The following NEDD4L variants were observed in gnomAD, a reference collection of about 807,000 sequenced individuals.
The protein encoded by NEDD4L is E3 ubiquitin-protein ligase NEDD4-like.
In NEDD4L, 54 loss-of-function variants were observed where a neutral mutation model predicts 148.9. That is an observed-to-expected ratio of 0.36 (90% CI 0.29 to 0.45). NEDD4L has a LOEUF of 0.45. Ranked by LOEUF, NEDD4L falls within the 20% of genes least tolerant of loss-of-function variation. The pLI is 1.00. For missense variants in NEDD4L, 856 were observed against 1,233.8 expected (o/e 0.69, Z 4.59); for synonymous variants, 433 against 440.7 (o/e 0.98, Z 0.22).
At position 58,059,112 on chromosome 18, in the gene NEDD4L, A is replaced by G. The variant is rs546963280; in HGVS notation, c.48+14404A>G. ...TCTTCTTCTTTCTTTTTTTTCCTTA[A>G]GAGATGGGATCTCAGTATGTTGGCC... On this transcript the variant is annotated intron_variant, in intron 1 of 30. Transcript: ENST00000400345. Among the ~76,000 whole-genome samples, 569 of 152,162 alleles carry G rather than the reference A, an allele frequency of 3.7e-3. 8 individuals are homozygous for G. Among genetic ancestry groups the G allele is most frequent in the African/African-American group, 0.013 (549 of 41,510 alleles).
At chr18:58,136,121 C>T (rs1482643156) in intron 1 of NEDD4L, among the ~76,000 whole-genome samples, 1 of 151,912 alleles carries the variant, frequency 6.6e-6, no homozygotes, top group Non-Finnish European at 1.5e-5. Flanking sequence ...GATAACAACT[C>T]ACATGCTGAG....
rs193027866 is a variant in NEDD4L, at chr18:58,301,765, C to T, written c.298-14217C>T. ...GTATTTCTGCAGCCTTAGTTCTAGC[C>T]ATTGAAATATCATGGAGTTGAATGC... is the stretch of plus-strand genomic sequence containing the variant. On this transcript the variant is annotated intron_variant, in intron 5 of 30. Coordinates refer to ENST00000400345, the MANE Select transcript of NEDD4L (RefSeq NM_001144967.3). 4.7e-3 allele frequency among the ~76,000 whole-genome samples: 713 copies of T among 152,228 alleles called. 19 individuals are homozygous for T. The highest frequency in any genetic ancestry group is 0.045 in the Admixed American group (684 of 15,304).
intron 5 of NEDD4L, among the ~76,000 whole-genome samples, chr18:58,304,262 T>C (rs1165471375): frequency 6.6e-6 from 1 of 150,450 alleles, no homozygotes; most frequent in African/African-American, 2.5e-5. Flanking sequence ...CTCATACCTG[T>C]AATCTCAGCA....
intron 2 of NEDD4L, among the ~76,000 whole-genome samples, chr18:58,220,380 G>C (rs1002426606): frequency 4.0e-5 from 6 of 149,996 alleles, no homozygotes; most frequent in Non-Finnish European, 7.4e-5. Context: ...CAGCCTGGGT[G>C]ACAGAGTGAG....
intron 2 of NEDD4L, among the ~76,000 whole-genome samples, chr18:58,243,832 T>G (rs1054560776): frequency 1.7e-4 from 25 of 150,848 alleles, no homozygotes; most frequent in African/African-American, 5.6e-4. Context: ...CAAACCATAA[T>G]GTAAAAAAAA....
intron 1 of NEDD4L, among the ~76,000 whole-genome samples, chr18:58,139,845 G>A (rs997279036): frequency 1.3e-5 from 2 of 152,178 alleles, no homozygotes; most frequent in East Asian, 3.8e-4. Context: ...AGCAGGTGGG[G>A]GCAGGCAGGA....
intron 2 of NEDD4L, among the ~76,000 whole-genome samples, chr18:58,180,069 A>G (rs898248034): frequency 6.6e-6 from 1 of 152,064 alleles, no homozygotes; most frequent in African/African-American, 2.4e-5. Context: ...ATAGAATTCT[A>G]TCTCTAAGAC....
At chr18:58,199,242 A>G (rs1219977250) in intron 2 of NEDD4L, among the ~76,000 whole-genome samples, 1 of 152,218 alleles carries the variant, frequency 6.6e-6, no homozygotes, top group Non-Finnish European at 1.5e-5. Flanking sequence ...ATTTTGATAT[A>G]TTTATCCATA....
At chr18:58,151,623 A>ATGTGTGTGTGTGTGTGTGTG (rs1491376739) in intron 1 of NEDD4L, among the ~76,000 whole-genome samples, 7 of 56,604 alleles carry the variant, frequency 1.2e-4, no homozygotes, top group South Asian at 9.1e-4. Context: ...CTGTGCCTGG[A>ATGTGTGTGTGTGTGTGTGTG]TATGTGTGTG....
chr18:58,181,598 T>G (rs1411570974), intron 2 of NEDD4L, among the ~76,000 whole-genome samples: 1 of 151,812 alleles, frequency 6.6e-6, no homozygotes, highest in Non-Finnish European at 1.5e-5. Context: ...CCCAGCTAAT[T>G]TTTTTTTTCA....
rs764108399 is a variant in NEDD4L at position 58,370,427 on chromosome 18, T to C, written c.2216T>C (p.Met739Thr). 4 of 1,612,282 alleles carry C rather than the reference T, an allele frequency of 2.5e-6. No homozygotes were observed. Among genetic ancestry groups the C allele is most frequent in the Non-Finnish European group, 1.7e-6 (2 of 1,178,338 alleles). Residue 739 changes from methionine (M) to threonine (T), a missense_variant, in exon 23 of 31, where the codon ATG (methionine) becomes ACG (threonine). By Grantham distance (81) the Met-to-Thr change is moderately conservative. Coordinates refer to ENST00000400345, the MANE Select transcript of NEDD4L (RefSeq NM_001144967.3). ...TTCATTAGACCATTTTACAAGATGA[T>C]GTTGGGAAAGCAGATAACCCTGAAT... ...GFFIRPFYKM[M>T]LGKQITLNDM...
At chr18:58,229,858 C>A (rs1057028958) in intron 2 of NEDD4L, among the ~76,000 whole-genome samples, 1 of 151,952 alleles carries the variant, frequency 6.6e-6, no homozygotes, top group Non-Finnish European at 1.5e-5. Context: ...GGCGTGGTGG[C>A]GGGCACCTGT....
intron 2 of NEDD4L, among the ~76,000 whole-genome samples, chr18:58,183,272 C>A (rs776502855): frequency 6.6e-6 from 1 of 152,202 alleles, no homozygotes; most frequent in African/African-American, 2.4e-5. Flanking sequence ...TAAGTTCCTC[C>A]AAATAAACCC....
chr18:58,379,722 G>A (rs377163722), intron 24 of NEDD4L, among the ~76,000 whole-genome samples: 16 of 152,272 alleles, frequency 1.1e-4, no homozygotes, highest in African/African-American at 3.6e-4. Context: ...CCCGACAGCC[G>A]GTCTCAAAAG....
intron 13 of NEDD4L, among the ~76,000 whole-genome samples, chr18:58,338,714 G>A (rs1237005517): frequency 6.6e-6 from 1 of 152,126 alleles, no homozygotes. Context: ...TCAGCAGTTC[G>A]AGACCAGCCT....
rs556260608 is a variant in NEDD4L, at chr18:58,059,942, C to T, written c.48+15234C>T. On this transcript the variant is annotated intron_variant, in intron 1 of 30. Transcript: ENST00000400345. ...AAAATAACATAAATCCTCACAATAG[C>T]CCTTTGAGGTAGGTGCTGTCATTTT... is the stretch of plus-strand genomic sequence containing the variant. 2.0e-5 allele frequency among the ~76,000 whole-genome samples: 3 copies of T among 152,120 alleles called. No individual in the cohort carries two copies. In the East Asian group the frequency reaches 5.8e-4, roughly 29 times the overall value.
chr18:58,261,474 T>G (rs1236146971), intron 5 of NEDD4L, among the ~76,000 whole-genome samples: 2 of 152,236 alleles, frequency 1.3e-5, no homozygotes, highest in African/African-American at 4.8e-5. Flanking sequence ...TATGTCTTAT[T>G]TTAAGATACT....
chr18:58,162,212 C>T (rs372784316), intron 1 of NEDD4L, among the ~76,000 whole-genome samples: 11 of 152,108 alleles, frequency 7.2e-5, no homozygotes, highest in East Asian at 1.9e-4. Flanking sequence ...TTTTATCACT[C>T]GCCTGCTTAA....
chr18:58,293,091 G>A (rs1237327795), intron 5 of NEDD4L, among the ~76,000 whole-genome samples: 1 of 152,190 alleles, frequency 6.6e-6, no homozygotes, highest in Non-Finnish European at 1.5e-5. Flanking sequence ...CCAGGAATTT[G>A]AGATTAATTC....
Sources: allele counts gnomAD v4.1 joint callset (sites outside exome capture counted in the v4.1 genomes callset), GRCh38; gene constraint gnomAD v4.1.1; transcripts MANE v1.5; gene names NCBI Gene and HGNC (gene_info 2026-07-23, HGNC 2026-07-21).